Variants in CADM2 observed in about 807,000 individuals in gnomAD.
The protein encoded by CADM2 is cell adhesion molecule 2, also known as immunoglobulin superfamily member 4D.
A neutral mutation model predicts 49.8 loss-of-function variants in CADM2; 12 were observed. The ratio of observed to expected loss-of-function variants is 0.24; its 90% CI spans 0.15 to 0.39. The LOEUF is 0.39. CADM2 is among the 10% of genes least tolerant of loss of function. The pLI, the probability that CADM2 is intolerant of heterozygous loss-of-function variation, is 1.00. For missense variants in CADM2, 378 were observed against 492.3 expected (o/e 0.77, Z 2.20); for synonymous variants, 214 against 175.4 (o/e 1.22, Z -1.74).
At chr3:85,537,656 GT>G in intron 1 of CADM2, among the ~76,000 whole-genome samples, 1 of 151,856 alleles carries the variant, frequency 6.6e-6, no homozygotes, top group South Asian at 2.1e-4. Flanking sequence ...AACATGTCAT[GT>G]TATAACCAGT....
chr3:85,284,598 G>C (rs2106904408), intron 1 of CADM2, among the ~76,000 whole-genome samples: 1 of 152,208 alleles, frequency 6.6e-6, no homozygotes, highest in African/African-American at 2.4e-5. Flanking sequence ...TGCTAAGGGA[G>C]GAACATTCCC....
chr3:85,637,768 C>T (rs1012677372), intron 1 of CADM2, among the ~76,000 whole-genome samples: 14 of 152,040 alleles, frequency 9.2e-5, no homozygotes, highest in African/African-American at 3.1e-4. Flanking sequence ...TTCAAATGCT[C>T]GTCTTCTTAT....
chr3:85,087,910 C>T (rs2037445234), intron 1 of CADM2, among the ~76,000 whole-genome samples: 1 of 152,130 alleles, frequency 6.6e-6, no homozygotes, highest in African/African-American at 2.4e-5. Context: ...TCTGCTACAG[C>T]ACTGATTCTA....
chr3:85,930,382 A>G (rs1382097571), intron 6 of CADM2, among the ~76,000 whole-genome samples: 3 of 152,114 alleles, frequency 2.0e-5, no homozygotes, highest in Non-Finnish European at 4.4e-5. Flanking sequence ...CAGGCATGCA[A>G]AACGAAATAA....
chr3:85,133,400 C>T (rs1402792357), intron 1 of CADM2, among the ~76,000 whole-genome samples: 2 of 152,136 alleles, frequency 1.3e-5, no homozygotes, highest in African/African-American at 4.8e-5. Flanking sequence ...CTCTACGTCC[C>T]CACTAGATTA....
intron 1 of CADM2, among the ~76,000 whole-genome samples, chr3:85,576,228 G>A (rs753946562): frequency 1.9e-4 from 29 of 152,210 alleles, no homozygotes; most frequent in Middle Eastern, 6.8e-3. Context: ...AATCATCTCT[G>A]CTTTAGAAGC....
chr3:85,828,299 T>A (rs980678722), intron 3 of CADM2, among the ~76,000 whole-genome samples: 1 of 151,948 alleles, frequency 6.6e-6, no homozygotes, highest in Non-Finnish European at 1.5e-5. Flanking sequence ...TTTGTACTTA[T>A]ATATGGCTCA....
At chr3:85,080,531 C>T (rs945821737) in intron 1 of CADM2, among the ~76,000 whole-genome samples, 2 of 152,110 alleles carry the variant, frequency 1.3e-5, no homozygotes, top group East Asian at 1.9e-4. Flanking sequence ...TCAGAATTGT[C>T]GGTAGCAGTA....
intron 2 of CADM2, among the ~76,000 whole-genome samples, chr3:85,766,371 G>T (rs989602303): frequency 6.6e-6 from 1 of 152,152 alleles, no homozygotes; most frequent in African/African-American, 2.4e-5. Flanking sequence ...TACTAGGATT[G>T]TCCCTGGCAA....
At chr3:85,344,375 A>G (rs1288972540) in intron 1 of CADM2, among the ~76,000 whole-genome samples, 2 of 131,428 alleles carry the variant, frequency 1.5e-5, no homozygotes, top group East Asian at 2.3e-4. Flanking sequence ...GTGAGACACC[A>G]TCTCAAAATA....
chr3:85,154,529 G>A (rs61706207), intron 1 of CADM2, among the ~76,000 whole-genome samples: 37,923 of 151,650 alleles, frequency 0.25, 8,678 homozygotes, highest in African/African-American at 0.61. Flanking sequence ...GATATTATCC[G>A]TGAGAACTTC....
intron 1 of CADM2, among the ~76,000 whole-genome samples, chr3:85,705,162 C>T (rs755492530): frequency 6.6e-6 from 1 of 150,812 alleles, no homozygotes; most frequent in Non-Finnish European, 1.5e-5. Flanking sequence ...CAGTGCATCC[C>T]GCCCCCTTCT....
intron 2 of CADM2, among the ~76,000 whole-genome samples, chr3:85,746,458 A>C (rs1264795469): frequency 6.6e-6 from 1 of 152,162 alleles, no homozygotes; most frequent in Non-Finnish European, 1.5e-5. Flanking sequence ...GCACAAAAAC[A>C]AGTGTACCAT....
chr3:85,297,335 A>G (rs1350166063), intron 1 of CADM2, among the ~76,000 whole-genome samples: 1 of 151,876 alleles, frequency 6.6e-6, no homozygotes, highest in Non-Finnish European at 1.5e-5. Flanking sequence ...GGTAGAGTGA[A>G]CTCTGGCTTC....
intron 1 of CADM2, among the ~76,000 whole-genome samples, chr3:85,382,133 T>C (rs934304731): frequency 6.6e-6 from 1 of 151,950 alleles, no homozygotes; most frequent in African/African-American, 2.4e-5. Context: ...CAGTGGTAAT[T>C]CTTTATTTAT....
intron 1 of CADM2, among the ~76,000 whole-genome samples, chr3:85,076,657 T>C (rs192054436): frequency 1.2e-4 from 18 of 152,188 alleles, no homozygotes; most frequent in Non-Finnish European, 2.6e-4. Context: ...ATATTGTTGA[T>C]AAAATTATTA....
intron 8 of CADM2, among the ~76,000 whole-genome samples, chr3:86,044,443 A>T (rs1231894368): frequency 6.6e-6 from 1 of 152,256 alleles, no homozygotes; most frequent in African/African-American, 2.4e-5. Context: ...TTATGCAGCC[A>T]AAAGACACAT....
chr3:85,430,616 G>T (rs921794224), intron 1 of CADM2, among the ~76,000 whole-genome samples: 1 of 151,092 alleles, frequency 6.6e-6, no homozygotes, highest in Non-Finnish European at 1.5e-5. Flanking sequence ...AGGGGGCGGT[G>T]GGGGGGAGTA....
chr3:86,071,592 A>C lies in CADM2; in HGVS notation c.*4809A>C, dbSNP rs1471236381. 6.6e-6 allele frequency: 1 copy of C among 151,972 alleles called. No homozygotes were observed. The highest frequency in any genetic ancestry group is 1.5e-5 in the Non-Finnish European group (1 of 67,864). 9.4% of individuals were successfully genotyped at this position (151,972 alleles called of 1,614,324 possible). ...CTTTTAACATGGGCTATGATACTTC[A>C]ATATAAATAGAGGAAATAATTATTT... On this transcript the variant is annotated 3_prime_UTR_variant, in exon 10 of 10. Transcript: ENST00000383699.
Sources: gnomAD v4.1 joint callset for allele counts (sites outside exome capture counted in the v4.1 genomes callset) on GRCh38, gnomAD v4.1.1 for gene constraint, MANE v1.5 for transcripts, NCBI Gene and HGNC (gene_info 2026-07-23, HGNC 2026-07-21) for gene names.